IFT172: variants seen among roughly 807,000 people sequenced by gnomAD.
IFT172 encodes intraflagellar transport 172, also known as intraflagellar transport protein 172 homolog.
A neutral mutation model predicts 248.9 loss-of-function variants in IFT172; 164 were observed. The ratio of observed to expected loss-of-function variants is 0.66; its 90% CI spans 0.58 to 0.75. The LOEUF is 0.75. Among genes scored for constraint, IFT172 ranks in the 30% least tolerant of loss-of-function variants. The pLI, the probability that IFT172 is intolerant of heterozygous loss-of-function variation, is 0.00. For synonymous variants in IFT172, 729 were observed against 791.6 expected (o/e 0.92, Z 1.33); for missense variants, 1,950 against 2,192.4 (o/e 0.89, Z 2.21).
chr2:27,478,575 C>G (rs150054740), intron 10 of IFT172, among the ~76,000 whole-genome samples: 151 of 152,294 alleles, frequency 9.9e-4, no homozygotes, highest in African/African-American at 3.5e-3. Flanking sequence ...TTCTGAGTAG[C>G]TGAGACTACA....
In IFT172 at chr2:27,457,891, C is replaced by T; in HGVS notation, c.3061G>A (p.Gly1021Arg). The T allele has an allele frequency of 6.2e-7, 1 of 1,614,172 alleles. No individual in the cohort carries two copies. Residue 1021 changes from glycine (G) to arginine (R), a missense_variant, in exon 28 of 48, where the codon GGG becomes AGG. Gly to Arg is a moderately radical substitution (Grantham distance 125, BLOSUM62 -2). Transcript: ENST00000260570. ...KLYDDMIRLV[G>R]KHHPDLLSDT... ...CTGAGGAGATCTGGATGGTGCTTCC[C>T]TACCAGGCGGATCATGTCATCATAC...
chr2:27,446,022 C>G (rs923806433), intron 43 of IFT172, 34 bp from the exon 44 acceptor site: 1 of 1,613,194 alleles, frequency 6.2e-7, no homozygotes, highest in Non-Finnish European at 8.5e-7. Flanking sequence ...TGGGAGTGAA[C>G]AAGCTGGGTT....
At chr2:27,476,763 G>T in intron 13 of IFT172, 37 bp from the exon 14 acceptor site, 1 of 1,253,868 alleles carries the variant, frequency 8.0e-7, no homozygotes, top group Non-Finnish European at 1.2e-6. Flanking sequence ...AAAATGGGCT[G>T]AGGTAGTTGG....
chr2:27,449,206 T>C lies in IFT172; in HGVS notation c.4311+88A>G, dbSNP rs1665433080. On this transcript the variant is annotated intron_variant, in intron 39 of 47. Transcript: ENST00000260570. ...TAGAAATCTTTGGGCTTTGGGTTTT[T>C]GTGGAGGTAGAAGAGATGCATCTTT... The C allele has an allele frequency of 6.5e-6, 10 of 1,529,792 alleles. No homozygotes were observed. In the East Asian group the frequency reaches 2.0e-4, roughly 31 times the overall value. The allele number at this position is 1,529,792 out of a possible 1,614,324, so 94.8% of individuals were successfully genotyped here.
rs754011076 is a variant in IFT172, at chr2:27,485,343, A to G, written c.183+17T>C. On this transcript the variant is annotated intron_variant, in intron 2 of 47. Transcript: ENST00000260570. ...CATCAATAGGTTAAATAAGGTACAC[A>G]TGAATACACTGTTTACCTTCATGTC... 4.3e-5 allele frequency: 69 copies of G among 1,613,836 alleles called. No homozygotes were observed. Among genetic ancestry groups the G allele is most frequent in the South Asian group, 9.9e-5 (9 of 91,056 alleles).
chr2:27,450,949 C>CTTTTTTTTTTT (rs540664992), intron 35 of IFT172, among the ~76,000 whole-genome samples: 1 of 145,224 alleles, frequency 6.9e-6, no homozygotes. Context: ...TTATTTTTAC[C>CTTTTTTTTTTT]TGTTTTTTTT....
At position 27,454,242 on chromosome 2, in the gene IFT172, G is replaced by T. The variant is rs141567671; in HGVS notation, c.3531-80C>A. On this transcript the variant is annotated intron_variant, in intron 32 of 47. Coordinates refer to ENST00000260570, the MANE Select transcript of IFT172 (RefSeq NM_015662.3). The surrounding 1 kb of genome is among the most constrained non-coding windows in gnomAD (Gnocchi z 4.2). ...GTGGGAGACAAACAGCCATGTCACT[G>T]AGGGGTGTAACACTGATTTGTTCTA... 1.9e-4 allele frequency: 299 copies of T among 1,596,494 alleles called. No homozygotes were observed. The African/African-American group carries it at 3.5e-3, about 19-fold the overall frequency.
chr2:27,456,777 G>A, intron 29 of IFT172, 124 bp from the exon 30 acceptor site: 2 of 1,372,474 alleles, frequency 1.5e-6, no homozygotes, highest in Non-Finnish European at 2.0e-6. Context: ...GGGTGTGGTG[G>A]CTCATACCTA....
intron 3 of IFT172, 97 bp from the exon 4 acceptor site, chr2:27,484,363 G>T: frequency 7.8e-7 from 1 of 1,280,998 alleles, no homozygotes; most frequent in Non-Finnish European, 1.1e-6. Context: ...AGGCCGAGGC[G>T]GGAGGATCAT....
In IFT172 at chr2:27,447,934, G is replaced by A. The variant is rs1168041327; in HGVS notation, c.4429-12C>T. The A allele has an allele frequency of 1.4e-6, 2 of 1,479,260 alleles. No individual in the cohort carries two copies. Among genetic ancestry groups the A allele is most frequent in the South Asian group, 1.1e-5 (1 of 88,268 alleles). 91.6% of individuals were successfully genotyped at this position (1,479,260 alleles called of 1,614,324 possible). A position where few individuals can be genotyped will look rare whatever the true frequency, so the allele number is the denominator to read the frequency against. ...TAGATATTGAAGTTCTAGAGGTAGA[G>A]GGAAGAAGGGGATCTGAGAAGGGCA... On this transcript the variant is annotated splice_polypyrimidine_tract_variant and intron_variant, in intron 40 of 47. Transcript: ENST00000260570.
rs148624326 is a variant in IFT172, at chr2:27,454,631, C to A, written c.3401G>T (p.Arg1134Leu). Residue 1134 changes from arginine (R) to leucine (L), a missense_variant, in exon 31 of 48, where the codon CGG becomes CTG. By Grantham distance (102) the Arg-to-Leu change is moderately radical (BLOSUM62 -2). Transcript: ENST00000260570. This position sits in a 1 kb window ranked among gnomAD's most constrained non-coding sequence, Gnocchi z 4.2. The stretch of plus-strand genomic sequence containing the variant: ...GGGGGTTTTGTGCTTGAGGGCCAGC[C>A]GAGAGAGTTCAAACGCAAATTCAAA... ...CSFEFAFELS[R>L]LALKHKTPEV... 5.5e-3 allele frequency: 8,810 copies of A among 1,613,892 alleles called. 32 individuals are homozygous for A. Among genetic ancestry groups the A allele is most frequent in the Middle Eastern group, 7.8e-3 (47 of 6,062 alleles).
chr2:27,466,776 C>G (rs985649557), intron 16 of IFT172, among the ~76,000 whole-genome samples: 1 of 151,860 alleles, frequency 6.6e-6, no homozygotes, highest in African/African-American at 2.4e-5. Flanking sequence ...CTTTTCGAGA[C>G]CAAGGTGGGA....
intron 25 of IFT172, 136 bp from the exon 26 acceptor site, chr2:27,459,004 A>C: frequency 1.2e-6 from 1 of 836,880 alleles, no homozygotes. Context: ...AGAAAAGATG[A>C]GTATGGGTGT....
At chr2:27,459,972 CAAGA>C in intron 23 of IFT172, 143 bp from the exon 24 acceptor site, 1 of 1,072,130 alleles carries the variant, frequency 9.3e-7, no homozygotes, top group Non-Finnish European at 1.4e-6. Flanking sequence ...ACACACGCAC[CAAGA>C]GGTGTGGGGA....
Position 27,447,520 on chromosome 2 carries a change from G to GT in IFT172, c.4653dup (p.Gln1552ThrfsTer28), listed in dbSNP as rs1357712913. On this transcript the variant is annotated frameshift_variant, in exon 42 of 48. Transcript: ENST00000260570. LOFTEE classifies it high-confidence loss of function. Reference sequence around the variant, plus strand: ...TTCGACCCCCTACATCTCACCAGCTGTTTGACACTCTGGGCTGCAGAGCGC... The same window carrying GT: ...TTCGACCCCCTACATCTCACCAGCTGTTTTGACACTCTGGGCTGCAGAGCGC... The GT allele has an allele frequency of 6.2e-7, 1 of 1,614,052 alleles. No homozygotes were observed. The highest frequency in any genetic ancestry group is 1.1e-5 in the South Asian group (1 of 91,076).
intron 26 of IFT172, 90 bp downstream of exon 26, chr2:27,458,689 C>G (rs1666381579): frequency 6.9e-7 from 1 of 1,445,376 alleles, no homozygotes; most frequent in East Asian, 2.3e-5. Context: ...TTTCAGGGAG[C>G]CAAGCGAAGA....
chr2:27,444,610 C>G, intron 47 of IFT172, 89 bp from the exon 48 acceptor site: 1 of 964,302 alleles, frequency 1.0e-6, no homozygotes, highest in Non-Finnish European at 1.6e-6. Flanking sequence ...TCTGCATCTG[C>G]CTTCCTGTAA....
chr2:27,481,221 C>T lies in IFT172; in HGVS notation c.610G>A (p.Ala204Thr). The change falls in exon 8 of 48, where the codon GCA becomes ACA. Residue 204 changes from alanine (A) to threonine (T), a missense_variant. By Grantham distance (58) the Ala-to-Thr change is moderately conservative. Transcript: ENST00000260570. ...GCCACGATGCTATTGGTTGCCCATG[C>T]CAAGGCATAGGGTGGACACGGGTGG... ...VNHPCPPYAL[A>T]WATNSIVAAG... is the part of the protein sequence containing the mutation. 6.2e-7 allele frequency: 1 copy of T among 1,612,542 alleles called. No homozygotes were observed. Among genetic ancestry groups the T allele is most frequent in the Non-Finnish European group, 8.5e-7 (1 of 1,179,960 alleles).
chr2:27,478,139 C>T lies in IFT172; in HGVS notation c.1023G>A (p.Leu341=), dbSNP rs1467208806. 1.2e-6 allele frequency: 2 copies of T among 1,614,060 alleles called. No homozygotes were observed. Among genetic ancestry groups the T allele is most frequent in the South Asian group, 1.1e-5 (1 of 91,090 alleles). The part of the protein sequence containing the change: ...VGPSQVIVKN[L]SSGTRVVLKS... ...TGAGCACCACTCGGGTTCCTGATGACAGGTTCTTCACAATCACCTTGGTAA... is the reference window on the plus strand; with the variant it reads ...TGAGCACCACTCGGGTTCCTGATGATAGGTTCTTCACAATCACCTTGGTAA... Residue 341 remains leucine, a synonymous_variant, in exon 11 of 48, where the codon CTG becomes CTA. Coordinates refer to ENST00000260570, the MANE Select transcript of IFT172 (RefSeq NM_015662.3).
Sources: gnomAD v4.1 joint callset for allele counts (sites outside exome capture counted in the v4.1 genomes callset) on GRCh38, gnomAD v4.1.1 for gene constraint, Gnocchi (gnomAD v3.1) non-coding constraint, MANE v1.5 for transcripts, NCBI Gene and HGNC (gene_info 2026-07-23, HGNC 2026-07-21) for gene names.